Variants in SDK1 observed in about 807,000 individuals in gnomAD.
SDK1 encodes protein sidekick-1.
In SDK1, 157 loss-of-function variants were observed where a neutral mutation model predicts 245.5. The observed-to-expected ratio is 0.64, with a 90% confidence interval of 0.56 to 0.73. The LOEUF is 0.73. SDK1 is among the 30% of genes least tolerant of loss of function. SDK1 has a pLI of 0.00. For missense variants in SDK1, 3,583 were observed against 3,002.3 expected (o/e 1.19, Z -4.52); for synonymous variants, 1,647 against 1,278.5 (o/e 1.29, Z -6.15).
chr7:3,587,591 T>C (rs1234293434), intron 1 of SDK1, among the ~76,000 whole-genome samples: 1 of 152,200 alleles, frequency 6.6e-6, no homozygotes, highest in Non-Finnish European at 1.5e-5. Flanking sequence ...CTCCGCTTTT[T>C]CAGCCCCCAA....
chr7:3,324,657 A>C (rs1371961094), intron 1 of SDK1, among the ~76,000 whole-genome samples: 1 of 152,222 alleles, frequency 6.6e-6, no homozygotes, highest in Non-Finnish European at 1.5e-5. Context: ...CACTCAAAGC[A>C]AAAGTAGGCT....
chr7:3,777,326 A>G (rs1359307725), intron 4 of SDK1, among the ~76,000 whole-genome samples: 1 of 152,212 alleles, frequency 6.6e-6, no homozygotes, highest in Non-Finnish European at 1.5e-5. Context: ...GATATTCCTA[A>G]GCCTTTTTCC....
intron 13 of SDK1, 143 bp downstream of exon 13, chr7:3,974,688 C>T: frequency 1.5e-6 from 1 of 665,544 alleles, no homozygotes; most frequent in Non-Finnish European, 2.5e-6. Flanking sequence ...TGCTGCATAA[C>T]TACATATATG....
chr7:4,095,676 G>A (rs955097887), intron 22 of SDK1, among the ~76,000 whole-genome samples: 3 of 152,120 alleles, frequency 2.0e-5, no homozygotes, highest in Admixed American at 6.5e-5. Flanking sequence ...GGGTTCAAGC[G>A]ATTCTGCTGC....
At chr7:4,240,332 T>C (rs1786440723) in intron 42 of SDK1, among the ~76,000 whole-genome samples, 1 of 152,072 alleles carries the variant, frequency 6.6e-6, no homozygotes, top group South Asian at 2.1e-4. Flanking sequence ...ATGTCTCCCG[T>C]CCTGCCCAGG....
intron 1 of SDK1, among the ~76,000 whole-genome samples, chr7:3,511,781 C>T (rs142987591): frequency 2.5e-4 from 35 of 141,044 alleles, no homozygotes; most frequent in African/African-American, 9.2e-4. Flanking sequence ...TAGGCAGCCA[C>T]TGTTTTTTTT....
chr7:3,338,305 C>G (rs894478911), intron 1 of SDK1: 1 of 487,046 alleles, frequency 2.1e-6, no homozygotes, highest in African/African-American at 2.0e-5. Context: ...CATGGCAAAA[C>G]TGCAAGAGTC....
chr7:3,451,669 C>T (rs1224694093), intron 1 of SDK1, among the ~76,000 whole-genome samples: 2 of 152,172 alleles, frequency 1.3e-5, no homozygotes, highest in African/African-American at 2.4e-5. Flanking sequence ...ATTTAAGCTA[C>T]AGCCAATATT....
intron 4 of SDK1, among the ~76,000 whole-genome samples, chr7:3,747,227 A>G (rs1583369399): frequency 6.6e-6 from 1 of 152,250 alleles, no homozygotes; most frequent in East Asian, 1.9e-4. Flanking sequence ...GGAAAAAGTC[A>G]TTCTCACTGG....
chr7:3,303,090 C>T (rs6946840), intron 1 of SDK1, among the ~76,000 whole-genome samples: 16,738 of 152,138 alleles, frequency 0.11, 1,190 homozygotes, highest in African/African-American at 0.19. Context: ...ATAAATGCTC[C>T]CTCTTATGTT....
intron 4 of SDK1, among the ~76,000 whole-genome samples, chr7:3,727,455 C>G (rs1779042661): frequency 6.6e-6 from 1 of 152,136 alleles, no homozygotes; most frequent in South Asian, 2.1e-4. Context: ...CTCTATAAGG[C>G]TGGTTCTGCT....
At chr7:3,782,634 T>C (rs1583408651) in intron 4 of SDK1, among the ~76,000 whole-genome samples, 1 of 152,202 alleles carries the variant, frequency 6.6e-6, no homozygotes, top group East Asian at 1.9e-4. Context: ...GCAGAAGCCA[T>C]GCAGACACTG....
chr7:3,630,491 A>T (rs1038962501), intron 2 of SDK1, among the ~76,000 whole-genome samples: 6 of 152,184 alleles, frequency 3.9e-5, no homozygotes, highest in Non-Finnish European at 8.8e-5. Context: ...TTAAGGTAGG[A>T]TGGGCATGGT....
intron 1 of SDK1, among the ~76,000 whole-genome samples, chr7:3,403,857 A>ATATTT (rs1778971358): frequency 8.9e-6 from 1 of 112,234 alleles, no homozygotes; most frequent in African/African-American, 3.5e-5. Context: ...ATATATATAT[A>ATATTT]TATATATATA....
chr7:3,590,256 G>C (rs1013790518), intron 1 of SDK1, among the ~76,000 whole-genome samples: 1 of 135,656 alleles, frequency 7.4e-6, no homozygotes, highest in East Asian at 2.4e-4. Flanking sequence ...TGGATTTGAT[G>C]TAAAGAAATG....
intron 1 of SDK1, among the ~76,000 whole-genome samples, chr7:3,303,738 T>A (rs889575226): frequency 1.3e-5 from 2 of 152,228 alleles, no homozygotes; most frequent in Non-Finnish European, 2.9e-5. Context: ...CTGTGAAATG[T>A]GTAATATATC....
At chr7:3,583,674 CAAGT>C (rs1459775226) in intron 1 of SDK1, among the ~76,000 whole-genome samples, 1 of 152,002 alleles carries the variant, frequency 6.6e-6, no homozygotes, top group Non-Finnish European at 1.5e-5. Flanking sequence ...GGAAATAAAA[CAAGT>C]AGTAAGAGGC....
chr7:4,047,595 G>A (rs1054980947), intron 17 of SDK1, among the ~76,000 whole-genome samples: 3 of 152,280 alleles, frequency 2.0e-5, no homozygotes, highest in East Asian at 3.9e-4. Flanking sequence ...GTGTGTCTGC[G>A]CTCCCAAAGC....
At chr7:3,905,294 G>T (rs575955199) in intron 5 of SDK1, among the ~76,000 whole-genome samples, 1 of 151,896 alleles carries the variant, frequency 6.6e-6, no homozygotes, top group African/African-American at 2.4e-5. Flanking sequence ...AAGTAATGCC[G>T]CAATGAATAT....
Sources: gnomAD v4.1 joint callset for allele counts (sites outside exome capture counted in the v4.1 genomes callset) on GRCh38, gnomAD v4.1.1 for gene constraint, MANE v1.5 for transcripts, NCBI Gene and HGNC (gene_info 2026-07-23, HGNC 2026-07-21) for gene names.